MIS18A: variants seen among roughly 807,000 people sequenced by gnomAD.
The protein encoded by MIS18A is protein Mis18-alpha.
In MIS18A, 14 loss-of-function variants were observed where a neutral mutation model predicts 25.0. The observed-to-expected ratio is 0.56, with a 90% CI of 0.37 to 0.88. The LOEUF is 0.88. MIS18A is among the 40% of genes least tolerant of loss of function. The pLI is 0.00. For missense variants in MIS18A, 292 were observed against 290.8 expected (o/e 1.00, Z -0.03); for synonymous variants, 134 against 118.6 (o/e 1.13, Z -0.84).
At chr21:32,158,543 C>T in the MIS18A span, among the ~76,000 whole-genome samples, 2,057 of 151,584 alleles carry the variant, frequency 0.014, 52 homozygotes, top group African/African-American at 0.047. Context: ...GACACAGTCT[C>T]GGCTCCCCAC....
the MIS18A span, among the ~76,000 whole-genome samples, chr21:32,253,739 G>T: frequency 6.6e-6 from 1 of 152,132 alleles, no homozygotes; most frequent in East Asian, 1.9e-4. Flanking sequence ...AAGGCAGGCT[G>T]CTATCTGATT....
chr21:32,258,575 C>T, the MIS18A span, among the ~76,000 whole-genome samples: 1 of 152,162 alleles, frequency 6.6e-6, no homozygotes, highest in Non-Finnish European at 1.5e-5. Flanking sequence ...GTCCGACTCA[C>T]AGCCTGAGAG....
the MIS18A span, among the ~76,000 whole-genome samples, chr21:32,245,157 T>C: frequency 6.6e-6 from 1 of 152,226 alleles, no homozygotes; most frequent in Non-Finnish European, 1.5e-5. Flanking sequence ...CATGATCCTA[T>C]TTAATGTCTG....
the MIS18A span, among the ~76,000 whole-genome samples, chr21:32,174,327 T>C: frequency 9.5e-3 from 1,453 of 152,226 alleles, 34 homozygotes; most frequent in African/African-American, 0.032. Flanking sequence ...AGATGCTCTG[T>C]ATAGAAGAAA....
chr21:32,215,099 T>C, the MIS18A span, among the ~76,000 whole-genome samples: 1 of 152,222 alleles, frequency 6.6e-6, no homozygotes, highest in Admixed American at 6.5e-5. Context: ...TCAGGCCACC[T>C]GGTGAGGCTA....
chr21:32,267,335 G>A (rs2031624449), downstream of MIS18A, among the ~76,000 whole-genome samples: 2 of 152,184 alleles, frequency 1.3e-5, no homozygotes, highest in Admixed American at 6.5e-5. Context: ...AGGGAGCCTC[G>A]TTAACTTCAT....
intron 1 of MIS18A, among the ~76,000 whole-genome samples, chr21:32,277,555 T>G (rs1255936697): frequency 2.0e-5 from 3 of 152,170 alleles, no homozygotes; most frequent in Non-Finnish European, 2.9e-5. Flanking sequence ...CGGGTTCAAG[T>G]GATTCTCCTG....
chr21:32,263,172 T>G, the MIS18A span, among the ~76,000 whole-genome samples: 3 of 152,240 alleles, frequency 2.0e-5, no homozygotes, highest in Non-Finnish European at 4.4e-5. Flanking sequence ...TGCCCAGTTA[T>G]TTATCCTATC....
chr21:32,187,673 A>G, the MIS18A span, among the ~76,000 whole-genome samples: 2 of 152,220 alleles, frequency 1.3e-5, no homozygotes, highest in Non-Finnish European at 2.9e-5. Context: ...ATAAATCTGC[A>G]TAATAGGATC....
At chr21:32,176,331 G>A in the MIS18A span, among the ~76,000 whole-genome samples, 1 of 152,052 alleles carries the variant, frequency 6.6e-6, no homozygotes, top group South Asian at 2.1e-4. Flanking sequence ...ATGTTACAAC[G>A]GATATGACAT....
the MIS18A span, among the ~76,000 whole-genome samples, chr21:32,184,199 G>A: frequency 4.8e-4 from 73 of 152,316 alleles, no homozygotes; most frequent in African/African-American, 1.7e-3. Context: ...AGGAAATTAT[G>A]TAGATTCTGT....
chr21:32,246,203 G>T, the MIS18A span, among the ~76,000 whole-genome samples: 1 of 152,128 alleles, frequency 6.6e-6, no homozygotes. Flanking sequence ...CAACACTAGG[G>T]ATTACATTTC....
chr21:32,270,633 A>C lies in MIS18A; in HGVS notation c.402-104T>G, dbSNP rs930820860. 15 of 1,264,238 alleles carry C rather than the reference A, an allele frequency of 1.2e-5. No individual in the cohort carries two copies. The Admixed American group carries it at 2.2e-4, about 19-fold the overall frequency. 78.3% of individuals were successfully genotyped at this position (1,264,238 alleles called of 1,614,324 possible). A position where few individuals can be genotyped will look rare whatever the true frequency, so the allele number is the denominator to read the frequency against. ...AACACCTCAGTTTCTCAAGTATGCT[A>C]TTCTGACCACACTAGGTCATACATA... On this transcript the variant is annotated intron_variant, in intron 2 of 4. Coordinates refer to ENST00000290130, the MANE Select transcript of MIS18A (RefSeq NM_018944.3).
chr21:32,157,840 A>G, the MIS18A span, among the ~76,000 whole-genome samples: 3 of 152,174 alleles, frequency 2.0e-5, no homozygotes, highest in Non-Finnish European at 4.4e-5. Context: ...AGCATATTTT[A>G]TATTTCTACT....
the MIS18A span, among the ~76,000 whole-genome samples, chr21:32,251,396 T>C: frequency 6.6e-6 from 1 of 152,094 alleles, no homozygotes; most frequent in Non-Finnish European, 1.5e-5. Flanking sequence ...CAGCTCTCTA[T>C]CTCTGATTAT....
intron 2 of MIS18A, 53 bp downstream of exon 2, chr21:32,274,777 T>C: frequency 7.0e-7 from 1 of 1,423,044 alleles, no homozygotes. Context: ...CTTTTAAAGA[T>C]TTTTATTAAA....
chr21:32,240,899 C>G, the MIS18A span, among the ~76,000 whole-genome samples: 1 of 152,174 alleles, frequency 6.6e-6, no homozygotes, highest in Non-Finnish European at 1.5e-5. Flanking sequence ...ATTTTTCTAG[C>G]AGTCACTACA....
chr21:32,252,847 C>T, the MIS18A span, among the ~76,000 whole-genome samples: 1 of 152,270 alleles, frequency 6.6e-6, no homozygotes, highest in African/African-American at 2.4e-5. Context: ...TTAGGGATCC[C>T]AGAGAATGAC....
the MIS18A span, among the ~76,000 whole-genome samples, chr21:32,222,125 A>T: frequency 6.6e-6 from 1 of 152,178 alleles, no homozygotes; most frequent in African/African-American, 2.4e-5. Context: ...AAGAAAAAAA[A>T]AAGCAGGGGT....
Sources: allele counts gnomAD v4.1 joint callset (sites outside exome capture counted in the v4.1 genomes callset), GRCh38; gene constraint gnomAD v4.1.1; transcripts MANE v1.5; gene names NCBI Gene and HGNC (gene_info 2026-07-23, HGNC 2026-07-21).